PPTC7: variants seen among roughly 807,000 people sequenced by gnomAD.
PPTC7 encodes protein phosphatase PTC7 homolog.
Under a neutral mutation model 30.8 loss-of-function variants are expected in PPTC7, and 6 were observed. That is an observed-to-expected ratio of 0.19 (90% CI 0.11 to 0.38). The LOEUF is 0.38. PPTC7 is among the 10% of genes least tolerant of loss of function. The probability of loss-of-function intolerance (pLI) is 1.00; values close to 1 mark genes in which losing one functional copy is unlikely to be tolerated. For synonymous variants in PPTC7, 163 were observed against 168.1 expected (o/e 0.97, Z 0.23); for missense variants, 218 against 404.8 (o/e 0.54, Z 3.96).
intron 1 of PPTC7, among the ~76,000 whole-genome samples, chr12:110,581,451 G>A (rs2064636578): frequency 6.6e-6 from 1 of 151,928 alleles, no homozygotes; most frequent in African/African-American, 2.4e-5. Context: ...AGCTCATTGA[G>A]TGAGGCACTT....
At chr12:110,574,942 C>CTTT (rs77125076) in intron 1 of PPTC7, among the ~76,000 whole-genome samples, 2 of 128,938 alleles carry the variant, frequency 1.6e-5, no homozygotes, top group Non-Finnish European at 3.3e-5. Flanking sequence ...CCATGCCCGG[C>CTTT]TTTTTTTTTT....
At chr12:110,545,084 T>C (rs951192179) in intron 3 of PPTC7, among the ~76,000 whole-genome samples, 1 of 151,340 alleles carries the variant, frequency 6.6e-6, no homozygotes, top group Non-Finnish European at 1.5e-5. Context: ...TCAAGACCAT[T>C]TTGGTTTTAT....
chr12:110,556,633 G>A (rs1000734592), intron 1 of PPTC7, among the ~76,000 whole-genome samples: 1 of 152,204 alleles, frequency 6.6e-6, no homozygotes, highest in Non-Finnish European at 1.5e-5. Flanking sequence ...TCCCAAAGAT[G>A]TCAGGAACAC....
chr12:110,554,835 A>G (rs1416972226), intron 1 of PPTC7, among the ~76,000 whole-genome samples: 1 of 152,250 alleles, frequency 6.6e-6, no homozygotes, highest in Non-Finnish European at 1.5e-5. Context: ...CATAAGAAAT[A>G]TTAGCAATGG....
chr12:110,556,294 ACT>A (rs1412653513), intron 1 of PPTC7, among the ~76,000 whole-genome samples: 1 of 152,092 alleles, frequency 6.6e-6, no homozygotes, highest in Non-Finnish European at 1.5e-5. Flanking sequence ...AAGCATATAA[ACT>A]CTTCAATAAA....
Position 110,545,971 on chromosome 12 carries a change from G to A in PPTC7, c.511C>T (p.His171Tyr). Reference sequence around the variant, plus strand: ...TAATGCTGCTGCTCATCTGATCGGTGCACGACTTCACCACCCCTGACAACC... The same window carrying A: ...TAATGCTGCTGCTCATCTGATCGGTACACGACTTCACCACCCCTGACAACC... Reference protein sequence around the residue: ...FLVVRGGEVVHRSDEQQHYFN... With the variant: ...FLVVRGGEVVYRSDEQQHYFN... The change falls in exon 3 of 6, where the codon CAC (histidine) becomes TAC (tyrosine). Residue 171 changes from histidine to tyrosine, a missense_variant. Transcript: ENST00000354300. 6.2e-7 allele frequency: 1 copy of A among 1,614,182 alleles called. No homozygotes were observed. Among genetic ancestry groups the A allele is most frequent in the Non-Finnish European group, 8.5e-7 (1 of 1,180,032 alleles).
chr12:110,540,937 G>A (rs879705002), intron 3 of PPTC7, among the ~76,000 whole-genome samples: 7 of 151,238 alleles, frequency 4.6e-5, no homozygotes, highest in South Asian at 2.1e-4. Flanking sequence ...AACCATGCCC[G>A]GCTAATTTTT....
At chr12:110,546,383 T>G in intron 2 of PPTC7, 2 of 342,336 alleles carry the variant, frequency 5.8e-6, no homozygotes, top group South Asian at 3.7e-5. Flanking sequence ...ACTATTTCAT[T>G]TCAACAGTGC....
At chr12:110,538,078 G>A (rs906422583) in intron 5 of PPTC7, 66 bp downstream of exon 5, 1 of 1,561,720 alleles carries the variant, frequency 6.4e-7, no homozygotes, top group African/African-American at 1.3e-5. Context: ...CCAGAGCCCA[G>A]AATGCTCCAC....
At chr12:110,556,941 C>G (rs969821919) in intron 1 of PPTC7, among the ~76,000 whole-genome samples, 3 of 152,140 alleles carry the variant, frequency 2.0e-5, no homozygotes, top group Non-Finnish European at 4.4e-5. Context: ...CGGATAGGCC[C>G]TGGCAGGGGT....
At chr12:110,540,553 C>T (rs1593142644) in intron 3 of PPTC7, among the ~76,000 whole-genome samples, 1 of 151,878 alleles carries the variant, frequency 6.6e-6, no homozygotes, top group Admixed American at 6.6e-5. Flanking sequence ...GGTTTTGCCA[C>T]GTTGGCCAGG....
chr12:110,583,053 G>A lies in PPTC7; in HGVS notation c.-22C>T, dbSNP rs1458551732. The A allele has an allele frequency of 1.5e-6, 2 of 1,373,500 alleles. No individual in the cohort carries two copies. The highest frequency in any genetic ancestry group is 1.9e-6 in the Non-Finnish European group (2 of 1,074,542). The allele number at this position is 1,373,500 out of a possible 1,614,324, so 85.1% of individuals were successfully genotyped here. ...ACATCGCCGCCGCCGCCCCCCCGAGGAGGCGGGGGGCCGGGGGAGCAGGAG... is the reference window on the plus strand; with the variant it reads ...ACATCGCCGCCGCCGCCCCCCCGAGAAGGCGGGGGGCCGGGGGAGCAGGAG... On this transcript the variant is annotated 5_prime_UTR_variant, in exon 1 of 6. Transcript: ENST00000354300.
intron 1 of PPTC7, among the ~76,000 whole-genome samples, chr12:110,581,200 G>A (rs1368700603): frequency 2.0e-5 from 3 of 152,252 alleles, no homozygotes; most frequent in South Asian, 2.1e-4. Flanking sequence ...CCGATCACGA[G>A]GTCAGGAGTT....
At position 110,535,128 on chromosome 12, in the gene PPTC7, C is replaced by T. The variant is rs2064209175; in HGVS notation, c.*1909G>A. ...TGCAAAATAAATACCCCGCCACTTGCCACTCATGCTTCTGTGTTTTATCAT... is the reference window on the plus strand; with the variant it reads ...TGCAAAATAAATACCCCGCCACTTGTCACTCATGCTTCTGTGTTTTATCAT... On this transcript the variant is annotated 3_prime_UTR_variant, in exon 6 of 6. Coordinates refer to ENST00000354300, the MANE Select transcript of PPTC7 (RefSeq NM_139283.2). The T allele has an allele frequency of 6.6e-6, 1 of 152,538 alleles. No individual in the cohort carries two copies. Among genetic ancestry groups the T allele is most frequent in the African/African-American group, 2.4e-5 (1 of 41,412 alleles). The allele number at this position is 152,538 out of a possible 1,614,324, so 9.4% of individuals were successfully genotyped here. A position where few individuals can be genotyped will look rare whatever the true frequency, so the allele number is the denominator to read the frequency against.
At chr12:110,554,950 T>C (rs55972509) in intron 1 of PPTC7, among the ~76,000 whole-genome samples, 20,402 of 152,220 alleles carry the variant, frequency 0.13, 1,964 homozygotes, top group African/African-American at 0.27. Context: ...CATGAGCATG[T>C]ATCATATGAT....
intron 1 of PPTC7, among the ~76,000 whole-genome samples, chr12:110,580,637 G>A (rs1404781536): frequency 3.9e-5 from 6 of 152,138 alleles, no homozygotes; most frequent in South Asian, 2.1e-4. Context: ...ACCACGCCCG[G>A]TCTAGCCTTC....
Position 110,535,191 on chromosome 12 carries a change from G to C in PPTC7, c.*1846C>G, listed in dbSNP as rs1006980623. The C allele has an allele frequency of 1.3e-5, 2 of 152,060 alleles. No homozygotes were observed. The highest frequency in any genetic ancestry group is 2.9e-5 in the Non-Finnish European group (2 of 67,938). 9.4% of individuals were successfully genotyped at this position (152,060 alleles called of 1,614,324 possible). A position where few individuals can be genotyped will look rare whatever the true frequency, so the allele number is the denominator to read the frequency against. On this transcript the variant is annotated 3_prime_UTR_variant, in exon 6 of 6. Transcript: ENST00000354300. ...TCTCCTTAAATAGAGACTCCGTCCA[G>C]ACCCCCCACCCCGCCCCCACCGCGT... is the stretch of plus-strand genomic sequence containing the variant.
Position 110,565,602 on chromosome 12 carries a change from G to C in PPTC7, c.224-13634C>G, listed in dbSNP as rs143350492. Among the ~76,000 whole-genome samples the C allele has an allele frequency of 5.3e-5, 8 of 152,248 alleles. No individual in the cohort carries two copies. In the East Asian group the frequency reaches 1.2e-3, roughly 22 times the overall value. ...ATGAGTAATGTTACTTTCATGGGAAGGATGACAAGAACTATTTATGTAAAT... is the reference window on the plus strand; with the variant it reads ...ATGAGTAATGTTACTTTCATGGGAACGATGACAAGAACTATTTATGTAAAT... On this transcript the variant is annotated intron_variant, in intron 1 of 5. Coordinates refer to ENST00000354300, the MANE Select transcript of PPTC7 (RefSeq NM_139283.2).
chr12:110,573,981 CTAAATAAA>C (rs542793137), intron 1 of PPTC7, among the ~76,000 whole-genome samples: 7 of 149,846 alleles, frequency 4.7e-5, no homozygotes, highest in Admixed American at 6.7e-5. Context: ...AACTCTGTCT[CTAAATAAA>C]TAAATAAATA....
Sources: gnomAD v4.1 joint callset for allele counts (sites outside exome capture counted in the v4.1 genomes callset) on GRCh38, gnomAD v4.1.1 for gene constraint, MANE v1.5 for transcripts, NCBI Gene and HGNC (gene_info 2026-07-23, HGNC 2026-07-21) for gene names.